Variants in ACACB observed in about 807,000 individuals in gnomAD.
ACACB encodes the protein acetyl-CoA carboxylase 2.
Under a neutral mutation model 278.8 loss-of-function variants are expected in ACACB, and 209 were observed. That is an observed-to-expected ratio of 0.75 (90% CI 0.67 to 0.84). The LOEUF (loss-of-function observed/expected upper bound fraction) is 0.84. Among genes scored for constraint, ACACB ranks in the 40% least tolerant of loss-of-function variants. ACACB has a pLI of 0.00. For missense variants in ACACB, 2,850 were observed against 3,269.0 expected (o/e 0.87, Z 3.13); for synonymous variants, 1,174 against 1,285.6 (o/e 0.91, Z 1.86).
At chr12:109,251,967 G>C in intron 41 of ACACB, 79 bp from the exon 42 acceptor site, 1 of 1,084,498 alleles carries the variant, frequency 9.2e-7, no homozygotes, top group Non-Finnish European at 1.3e-6. Context: ...GGTCCCAGCA[G>C]GTTCCTGGAC....
intron 20 of ACACB, among the ~76,000 whole-genome samples, chr12:109,208,011 A>T (rs117960705): frequency 6.6e-6 from 1 of 151,906 alleles, no homozygotes; most frequent in Admixed American, 6.6e-5. Flanking sequence ...AAGTTCAATC[A>T]TTTCATCCTC....
intron 21 of ACACB, 126 bp downstream of exon 21, chr12:109,209,479 CAG>C: frequency 2.1e-6 from 2 of 954,360 alleles, no homozygotes; most frequent in Non-Finnish European, 1.5e-6. Flanking sequence ...CCTAACATAT[CAG>C]GGGCCGAGGG....
rs1180845483 is a variant in ACACB, at chr12:109,241,143, A to G, written c.4884A>G (p.Leu1628=). ...YGSRLWKLRV[L]QAEVKINIRQ... ...GCCGGCTGTGGAAACTCCGTGTGCT[A>G]CAGGCTGAGGTCAAGATCAACATCC... is the stretch of plus-strand genomic sequence containing the variant. Residue 1628 remains leucine, a synonymous_variant, in exon 36 of 53, where the codon CTA becomes CTG. Transcript: ENST00000338432. 1.2e-6 allele frequency: 2 copies of G among 1,614,144 alleles called. No individual in the cohort carries two copies. The highest frequency in any genetic ancestry group is 1.7e-5 in the Admixed American group (1 of 60,010).
At chr12:109,139,269 A>G (rs2043040937) in intron 1 of ACACB, 128 bp from the exon 2 acceptor site, 1 of 832,234 alleles carries the variant, frequency 1.2e-6, no homozygotes, top group South Asian at 1.8e-5. Flanking sequence ...GGAGAACCCC[A>G]TCTCTCCCCT....
In ACACB at chr12:109,253,103, C is replaced by G; in HGVS notation, c.5990C>G (p.Pro1997Arg). The G allele has an allele frequency of 6.2e-7, 1 of 1,613,388 alleles. No individual in the cohort carries two copies. The highest frequency in any genetic ancestry group is 8.5e-7 in the Non-Finnish European group (1 of 1,179,610). Reference sequence around the variant, plus strand: ...AATGGTGTCTCCCACATCACCGTGCCAGATGACTTTGAGGGGGTTTATACC... The same window carrying G: ...AATGGTGTCTCCCACATCACCGTGCGAGATGACTTTGAGGGGGTTTATACC... ...HYNGVSHITVPDDFEGVYTIL... is the reference protein window; with the variant it reads ...HYNGVSHITVRDDFEGVYTIL... Residue 1997 changes from proline (P) to arginine (R), a missense_variant, in exon 43 of 53, where the codon CCA becomes CGA. This residue lies in a region of ACACB where 579 missense variants were observed against 684.6 expected (regional missense o/e 0.85). Coordinates refer to ENST00000338432, the MANE Select transcript of ACACB (RefSeq NM_001093.4).
At chr12:109,227,734 TA>T (rs2046353830) in intron 28 of ACACB, among the ~76,000 whole-genome samples, 1 of 152,174 alleles carries the variant, frequency 6.6e-6, no homozygotes, top group South Asian at 2.1e-4. Flanking sequence ...CTATTTACAT[TA>T]AAATGAATGC....
intron 37 of ACACB, among the ~76,000 whole-genome samples, chr12:109,244,092 G>T (rs1593685965): frequency 6.6e-6 from 1 of 152,032 alleles, no homozygotes; most frequent in East Asian, 1.9e-4. Context: ...CTACTCATCT[G>T]ACAAAGGGCT....
At position 109,262,950 on chromosome 12, in the gene ACACB, T is replaced by TTATATATATATATATATATATATATA. The variant is rs58002068; in HGVS notation, c.6787+489_6787+514dup. Reference sequence around the variant, plus strand: ...CATTTCTAAATCAACCTTTTTAACATTATATATATATATATATATATATAT... The same window carrying TTATATATATATATATATATATATATA: ...CATTTCTAAATCAACCTTTTTAACATTATATATATATATATATATATATATATATATATATATATATATATATATAT... On this transcript the variant is annotated intron_variant, in intron 49 of 52. Transcript: ENST00000338432. 6.6e-4 allele frequency: 41 copies of TTATATATATATATATATATATATATA among 62,494 alleles called. 2 individuals are homozygous for TTATATATATATATATATATATATATA. The highest frequency in any genetic ancestry group is 1.2e-3 in the Non-Finnish European group (31 of 25,642). The allele number at this position is 62,494 out of a possible 1,614,324, so 3.9% of individuals were successfully genotyped here. A position where few individuals can be genotyped will look rare whatever the true frequency, so the allele number is the denominator to read the frequency against.
chr12:109,261,630 G>A (rs566497826), intron 48 of ACACB, among the ~76,000 whole-genome samples: 298 of 152,218 alleles, frequency 2.0e-3, no homozygotes, highest in African/African-American at 6.9e-3. Flanking sequence ...CAGCATTTTG[G>A]GAGGCTAAGG....
rs1219133501 is a variant in ACACB at position 109,254,284 on chromosome 12, C to A, written c.6116C>A (p.Ser2039Tyr). 1 of 1,612,656 alleles carries A rather than the reference C, an allele frequency of 6.2e-7. No individual in the cohort carries two copies. The highest frequency in any genetic ancestry group is 8.5e-7 in the Non-Finnish European group (1 of 1,179,928). ...GACAGAGAAATTGAATTCCTCCCAT[C>A]CAGAGCTCCCTACGACCCCCGGTGG... ...PIDREIEFLP[S>Y]RAPYDPRWML... Residue 2039 changes from serine to tyrosine, a missense_variant, in exon 44 of 53, where the codon TCC (serine) becomes TAC (tyrosine). Physicochemically the swap from Ser to Tyr is moderately radical, Grantham distance 144. Around this residue, in one of 3 missense-constraint regions of ACACB, gnomAD observed 579 missense variants for 684.6 expected, o/e 0.85. Coordinates refer to ENST00000338432, the MANE Select transcript of ACACB (RefSeq NM_001093.4).
chr12:109,119,416 C>T (rs1371244237), intron 1 of ACACB, among the ~76,000 whole-genome samples: 1 of 151,704 alleles, frequency 6.6e-6, no homozygotes, highest in African/African-American at 2.4e-5. Flanking sequence ...ATGGTGAAAC[C>T]CTTTCTCTAC....
intron 2 of ACACB, among the ~76,000 whole-genome samples, chr12:109,165,218 T>C (rs1440755363): frequency 6.6e-6 from 1 of 152,112 alleles, no homozygotes; most frequent in East Asian, 1.9e-4. Context: ...AAGGGAATTC[T>C]AGGGATGTCA....
chr12:109,214,606 A>G (rs1338850711), intron 22 of ACACB, among the ~76,000 whole-genome samples: 1 of 152,236 alleles, frequency 6.6e-6, no homozygotes, highest in Non-Finnish European at 1.5e-5. Flanking sequence ...CATAAATATT[A>G]AAGCCCTGTC....
At chr12:109,118,846 G>T (rs114057095) in intron 1 of ACACB, among the ~76,000 whole-genome samples, 2,614 of 152,292 alleles carry the variant, frequency 0.017, 69 homozygotes, top group African/African-American at 0.059. Context: ...AAAAATGTAT[G>T]CACATTTCAC....
Position 109,232,790 on chromosome 12 carries a change from T to C in ACACB, c.4123T>C (p.Phe1375Leu), listed in dbSNP as rs772164929. ...RMGAMVAFRR[F>L]EDFTRNFDEV... is the part of the protein sequence containing the mutation. ...GGGAGCCATGGTAGCCTTCAGGAGA[T>C]TCGAGGACTTCACCAGGTACCCAGC... Residue 1375 changes from phenylalanine (F) to leucine (L), a missense_variant, in exon 29 of 53, where the codon TTC (phenylalanine) becomes CTC (leucine). Phe to Leu is a conservative substitution (Grantham distance 22). Around this residue, in one of 3 missense-constraint regions of ACACB, gnomAD observed 2,265 missense variants for 2,561.3 expected, o/e 0.88. Transcript: ENST00000338432. 6.2e-7 allele frequency: 1 copy of C among 1,614,030 alleles called. No homozygotes were observed. The highest frequency in any genetic ancestry group is 1.1e-5 in the South Asian group (1 of 91,078).
chr12:109,184,019 C>T (rs1316902152), intron 11 of ACACB, among the ~76,000 whole-genome samples: 1 of 151,548 alleles, frequency 6.6e-6, no homozygotes, highest in African/African-American at 2.4e-5. Flanking sequence ...CTTTGTCTCT[C>T]TTCTGTCTGT....
At chr12:109,233,897 C>T (rs2046552811) in intron 30 of ACACB, 41 bp from the exon 31 acceptor site, 16 of 1,613,332 alleles carry the variant, frequency 9.9e-6, no homozygotes, top group Non-Finnish European at 1.4e-5. Flanking sequence ...GGGCCGTGGC[C>T]CCCAGGCTTT....
At chr12:109,240,008 C>T in intron 35 of ACACB, 23 bp downstream of exon 35, 1 of 1,607,934 alleles carries the variant, frequency 6.2e-7, no homozygotes, top group African/African-American at 1.3e-5. Flanking sequence ...CAGGGGGGCT[C>T]TCACCGGGCT....
intron 1 of ACACB, among the ~76,000 whole-genome samples, chr12:109,133,863 A>ATTTTTTT (rs67896522): frequency 4.2e-5 from 3 of 70,654 alleles, no homozygotes; most frequent in Non-Finnish European, 7.5e-5. Flanking sequence ...ATATATATAT[A>ATTTTTTT]TTTTTTTTTT....
Sources: gnomAD v4.1 joint callset for allele counts (sites outside exome capture counted in the v4.1 genomes callset) on GRCh38, gnomAD v4.1.1 for gene constraint, gnomAD v4.1.1 regional missense constraint, MANE v1.5 for transcripts, NCBI Gene and HGNC (gene_info 2026-07-23, HGNC 2026-07-21) for gene names.